The following NXPE2 variants were observed in gnomAD, a reference collection of about 807,000 sequenced individuals.
NXPE2 encodes the protein NXPE family member 2.
Under a neutral mutation model 34.4 loss-of-function variants are expected in NXPE2, and 34 were observed. The ratio of observed to expected loss-of-function variants is 0.99; its 90% confidence interval spans 0.75 to 1.31. NXPE2 has a LOEUF of 1.31. Ranked by LOEUF, NXPE2 falls within the 40% of genes most tolerant of loss-of-function variation. The pLI is 0.00. For missense variants in NXPE2, 649 were observed against 672.5 expected (o/e 0.97, Z 0.39); for synonymous variants, 235 against 231.3 (o/e 1.02, Z -0.15).
chr11:114,757,471 G>A, the NXPE2 span, among the ~76,000 whole-genome samples: 2 of 152,090 alleles, frequency 1.3e-5, no homozygotes, highest in African/African-American at 4.8e-5. Flanking sequence ...TTTTCTCTCA[G>A]TGTCCTCTCT....
At chr11:114,492,884 C>T in the NXPE2 span, among the ~76,000 whole-genome samples, 1 of 152,088 alleles carries the variant, frequency 6.6e-6, no homozygotes, top group African/African-American at 2.4e-5. Context: ...ATGATCTGTC[C>T]AATGCTGAAA....
At chr11:114,557,157 G>C in the NXPE2 span, among the ~76,000 whole-genome samples, 1 of 151,962 alleles carries the variant, frequency 6.6e-6, no homozygotes, top group African/African-American at 2.4e-5. Context: ...GCCTCCCAAA[G>C]TTCTGGGATT....
chr11:114,651,762 T>A, the NXPE2 span, among the ~76,000 whole-genome samples: 1 of 152,148 alleles, frequency 6.6e-6, no homozygotes, highest in African/African-American at 2.4e-5. Flanking sequence ...TTTTACAGAG[T>A]GCTGATTGGT....
chr11:114,633,014 A>G, the NXPE2 span, among the ~76,000 whole-genome samples: 1 of 107,070 alleles, frequency 9.3e-6, no homozygotes, highest in Non-Finnish European at 1.7e-5. Context: ...TATATATTAT[A>G]TAATATATAA....
At chr11:114,742,512 G>A in the NXPE2 span, among the ~76,000 whole-genome samples, 1 of 152,112 alleles carries the variant, frequency 6.6e-6, no homozygotes, top group Non-Finnish European at 1.5e-5. Context: ...TTTCCAACTT[G>A]GGAGACCTAA....
chr11:114,798,825 C>G, the NXPE2 span, among the ~76,000 whole-genome samples: 2 of 152,190 alleles, frequency 1.3e-5, no homozygotes, highest in Non-Finnish European at 2.9e-5. Context: ...CCTTGATCTT[C>G]CTGTCTTGAC....
chr11:114,539,855 T>G, the NXPE2 span, among the ~76,000 whole-genome samples: 1 of 152,220 alleles, frequency 6.6e-6, no homozygotes, highest in East Asian at 1.9e-4. Context: ...AATCAGAAAA[T>G]TATATTTCGT....
At chr11:114,674,031 G>A (rs1310810549), upstream of NXPE2, among the ~76,000 whole-genome samples, 2 of 151,714 alleles carry the variant, frequency 1.3e-5, no homozygotes, top group Non-Finnish European at 3.0e-5. Flanking sequence ...TGGGATTAGT[G>A]GAGATTAAAA....
chr11:114,796,960 T>A, the NXPE2 span, among the ~76,000 whole-genome samples: 2 of 152,254 alleles, frequency 1.3e-5, no homozygotes, highest in Admixed American at 6.5e-5. Flanking sequence ...GTTTGGAAAA[T>A]TTTAAAAAGT....
downstream of NXPE2, among the ~76,000 whole-genome samples, chr11:114,712,028 T>G (rs1476105622): frequency 6.6e-6 from 1 of 152,092 alleles, no homozygotes. Flanking sequence ...TAACAAATAG[T>G]ATTGGGAAAA....
the NXPE2 span, among the ~76,000 whole-genome samples, chr11:114,801,136 T>G: frequency 1.3e-5 from 2 of 152,202 alleles, no homozygotes; most frequent in South Asian, 4.1e-4. Flanking sequence ...ACAAAGTCCC[T>G]TGTTTTATGG....
the NXPE2 span, among the ~76,000 whole-genome samples, chr11:114,560,189 C>G: frequency 6.6e-6 from 1 of 152,080 alleles, no homozygotes; most frequent in African/African-American, 2.4e-5. Flanking sequence ...AATCTGAAGT[C>G]TCACGACAAC....
chr11:114,741,782 C>T, the NXPE2 span, among the ~76,000 whole-genome samples: 32 of 152,244 alleles, frequency 2.1e-4, no homozygotes, highest in South Asian at 4.1e-3. Context: ...CAATATTTTT[C>T]ATCTTTGTTA....
the NXPE2 span, among the ~76,000 whole-genome samples, chr11:114,624,489 G>A: frequency 6.6e-6 from 1 of 152,080 alleles, no homozygotes; most frequent in Admixed American, 6.5e-5. Flanking sequence ...TTGCCCATGG[G>A]TAAGCCCTGT....
At chr11:114,613,858 A>G in the NXPE2 span, among the ~76,000 whole-genome samples, 1 of 149,184 alleles carries the variant, frequency 6.7e-6, no homozygotes, top group Non-Finnish European at 1.5e-5. Flanking sequence ...GTATTGCCTA[A>G]TAGGTAACCA....
At chr11:114,528,759 G>C in the NXPE2 span, 1 of 623,244 alleles carries the variant, frequency 1.6e-6, no homozygotes, top group Non-Finnish European at 3.0e-6. Context: ...GGGAGAATGA[G>C]GACCCAGGTG....
chr11:114,553,859 T>C, the NXPE2 span: 25 of 962,650 alleles, frequency 2.6e-5, no homozygotes, highest in Admixed American at 6.1e-5. Context: ...TCTTGGTAGC[T>C]TGAAATAGGC....
chr11:114,775,237 C>T, the NXPE2 span, among the ~76,000 whole-genome samples: 1,320 of 152,302 alleles, frequency 8.7e-3, 10 homozygotes, highest in Non-Finnish European at 0.013. Flanking sequence ...CTAGGCCGTA[C>T]GCTTTTAGGC....
the NXPE2 span, among the ~76,000 whole-genome samples, chr11:114,469,776 G>A: frequency 3.9e-5 from 6 of 152,184 alleles, no homozygotes; most frequent in East Asian, 1.2e-3. Flanking sequence ...TAATGCCACA[G>A]TTAACGTAAT....
Sources: gnomAD v4.1 joint callset for allele counts (sites outside exome capture counted in the v4.1 genomes callset) on GRCh38, gnomAD v4.1.1 for gene constraint, MANE v1.5 for transcripts, NCBI Gene and HGNC (gene_info 2026-07-23, HGNC 2026-07-21) for gene names.